Variants in CHST11 observed in about 807,000 individuals in gnomAD.
The protein encoded by CHST11 is C4S-1.
Under a neutral mutation model 30.4 loss-of-function variants are expected in CHST11, and 9 were observed. The ratio of observed to expected loss-of-function variants is 0.30; its 90% CI spans 0.18 to 0.52. The LOEUF (loss-of-function observed/expected upper bound fraction) is 0.52. Ranked by LOEUF, CHST11 falls within the 20% of genes least tolerant of loss-of-function variation. The probability of loss-of-function intolerance (pLI) is 0.97; values close to 1 mark genes in which losing one functional copy is unlikely to be tolerated. For synonymous variants in CHST11, 152 were observed against 187.8 expected (o/e 0.81, Z 1.56); for missense variants, 348 against 460.6 (o/e 0.76, Z 2.24).
intron 2 of CHST11, among the ~76,000 whole-genome samples, chr12:104,753,199 T>C (rs1020904344): frequency 1.3e-5 from 2 of 152,214 alleles, no homozygotes; most frequent in African/African-American, 4.8e-5. Flanking sequence ...GCTTTACAAA[T>C]GTTGGGAGAA....
intron 1 of CHST11, among the ~76,000 whole-genome samples, chr12:104,565,100 A>C (rs2038549205): frequency 1.3e-5 from 2 of 151,746 alleles, no homozygotes; most frequent in South Asian, 4.2e-4. Flanking sequence ...CCAATAAGAT[A>C]ATTTGCCATT....
intron 1 of CHST11, among the ~76,000 whole-genome samples, chr12:104,478,105 A>T (rs2037581940): frequency 1.3e-5 from 2 of 152,106 alleles, no homozygotes; most frequent in Non-Finnish European, 2.9e-5. Context: ...GGAGACAGGG[A>T]GAGAAAAACC....
At chr12:104,697,630 T>G (rs1490078934) in intron 2 of CHST11, among the ~76,000 whole-genome samples, 1 of 152,166 alleles carries the variant, frequency 6.6e-6, no homozygotes, top group Admixed American at 6.6e-5. Context: ...CTGATTCTGT[T>G]CCTCTGGAGC....
intron 1 of CHST11, among the ~76,000 whole-genome samples, chr12:104,530,018 G>A (rs911168624): frequency 4.6e-5 from 7 of 152,094 alleles, no homozygotes; most frequent in East Asian, 1.9e-4. Flanking sequence ...AATTAGCTAG[G>A]CATGGTGGCA....
chr12:104,570,712 A>ACT (rs1173131336), intron 1 of CHST11, among the ~76,000 whole-genome samples: 1 of 115,432 alleles, frequency 8.7e-6, no homozygotes, highest in Non-Finnish European at 1.9e-5. Flanking sequence ...TTTTTTTGAG[A>ACT]CTGAGTCTCG....
chr12:104,746,306 T>C (rs1353557187), intron 2 of CHST11, among the ~76,000 whole-genome samples: 1 of 152,182 alleles, frequency 6.6e-6, no homozygotes, highest in Non-Finnish European at 1.5e-5. Context: ...ATATAAACCC[T>C]GCCTACAAAA....
At chr12:104,525,111 T>TC (rs1487218544) in intron 1 of CHST11, among the ~76,000 whole-genome samples, 2 of 151,364 alleles carry the variant, frequency 1.3e-5, no homozygotes, top group African/African-American at 4.8e-5. Context: ...TCTTTCTTTT[T>TC]TTTTTTTTTT....
Position 104,696,482 on chromosome 12 carries a change from CAAAAAAAA to C in CHST11, c.205-60449_205-60442del, listed in dbSNP as rs10602668. On this transcript the variant is annotated intron_variant, in intron 2 of 2. Transcript: ENST00000303694. ...TGAAACCCCGACTCTGCTAAAAATACAAAAAAAAAAAAAAAAAAAAAAAAACATAGCTG... is the reference window on the plus strand; with the variant it reads ...TGAAACCCCGACTCTGCTAAAAATACAAAAAAAAAAAAAAAAACATAGCTG... 8.7e-5 allele frequency among the ~76,000 whole-genome samples: 6 copies of C among 69,116 alleles called. No homozygotes were observed. The East Asian group carries it at 2.5e-3, about 29-fold the overall frequency. The allele number at this position is 69,116 out of a possible 152,430, so 45.3% of individuals were successfully genotyped here.
intron 1 of CHST11, among the ~76,000 whole-genome samples, chr12:104,555,667 T>A (rs2038447948): frequency 6.6e-6 from 1 of 152,186 alleles, no homozygotes; most frequent in Non-Finnish European, 1.5e-5. Context: ...GGCCCCACAA[T>A]TTCTAAGCTC....
At chr12:104,706,291 G>A (rs570184819) in intron 2 of CHST11, among the ~76,000 whole-genome samples, 8 of 152,042 alleles carry the variant, frequency 5.3e-5, no homozygotes, top group African/African-American at 1.9e-4. Context: ...GGCTGAGGTA[G>A]GAGGATTACT....
At chr12:104,671,785 C>T (rs1021045479) in intron 2 of CHST11, among the ~76,000 whole-genome samples, 6 of 152,138 alleles carry the variant, frequency 3.9e-5, no homozygotes, top group Admixed American at 6.5e-5. Context: ...CTCCCCGCCC[C>T]CAGCCCTCTT....
chr12:104,543,871 A>G (rs13378048), intron 1 of CHST11, among the ~76,000 whole-genome samples: 4,828 of 152,158 alleles, frequency 0.032, 269 homozygotes, highest in African/African-American at 0.11. Context: ...GTATGCACCT[A>G]TAGTCCCAGC....
chr12:104,581,528 G>A (rs1490806309), intron 1 of CHST11, among the ~76,000 whole-genome samples: 1 of 152,178 alleles, frequency 6.6e-6, no homozygotes, highest in African/African-American at 2.4e-5. Flanking sequence ...GCCAAACATT[G>A]TCGAGTGACT....
At chr12:104,704,751 C>T (rs1468371646) in intron 2 of CHST11, among the ~76,000 whole-genome samples, 3 of 151,922 alleles carry the variant, frequency 2.0e-5, no homozygotes, top group African/African-American at 7.2e-5. Context: ...GGCCTCAGAA[C>T]CCCGGCCTTT....
At chr12:104,656,271 C>T (rs2039542806) in intron 2 of CHST11, among the ~76,000 whole-genome samples, 1 of 152,192 alleles carries the variant, frequency 6.6e-6, no homozygotes, top group Non-Finnish European at 1.5e-5. Flanking sequence ...TGGATTAAAT[C>T]AAAGTCTAGC....
intron 1 of CHST11, among the ~76,000 whole-genome samples, chr12:104,490,345 G>A (rs1341544510): frequency 6.6e-6 from 1 of 152,134 alleles, no homozygotes; most frequent in Non-Finnish European, 1.5e-5. Flanking sequence ...GCTCTGATAT[G>A]GTCTTTCAAA....
At chr12:104,530,395 A>C (rs1704916) in intron 1 of CHST11, among the ~76,000 whole-genome samples, 87,198 of 151,922 alleles carry the variant, frequency 0.57, 25,786 homozygotes, top group East Asian at 0.97. Flanking sequence ...GCTTTGTTCT[A>C]TTGCATGATT....
intron 1 of CHST11, among the ~76,000 whole-genome samples, chr12:104,498,784 G>A (rs1043191894): frequency 5.3e-5 from 8 of 152,322 alleles, no homozygotes; most frequent in South Asian, 2.1e-4. Flanking sequence ...TGAATTAGCC[G>A]TTGATTTTAA....
At chr12:104,719,826 A>G (rs894834811) in intron 2 of CHST11, among the ~76,000 whole-genome samples, 1 of 152,174 alleles carries the variant, frequency 6.6e-6, no homozygotes, top group Non-Finnish European at 1.5e-5. Context: ...GGGGACAGTT[A>G]CAGGCACCAC....
Sources: gnomAD v4.1 joint callset for allele counts (sites outside exome capture counted in the v4.1 genomes callset) on GRCh38, gnomAD v4.1.1 for gene constraint, MANE v1.5 for transcripts, NCBI Gene and HGNC (gene_info 2026-07-23, HGNC 2026-07-21) for gene names.